Variants in LPCAT1 observed in about 807,000 individuals in gnomAD.
LPCAT1 encodes the protein 1-acylglycerol-3-phosphate O-acyltransferase.
LPCAT1 carries 23 observed loss-of-function variants against 60.9 expected under a neutral mutation model. The ratio of observed to expected loss-of-function variants is 0.38; its 90% CI spans 0.27 to 0.53. LPCAT1 has a LOEUF of 0.53. LPCAT1 is among the 20% of genes least tolerant of loss of function. The pLI is 0.82. For missense variants in LPCAT1, 622 were observed against 723.6 expected (o/e 0.86, Z 1.61); for synonymous variants, 340 against 301.1 (o/e 1.13, Z -1.34).
chr5:1,509,364 G>A (rs1466517411), intron 1 of LPCAT1, among the ~76,000 whole-genome samples: 1 of 152,260 alleles, frequency 6.6e-6, no homozygotes, highest in East Asian at 1.9e-4. Context: ...CAGTGCGCTT[G>A]CAAATCCACG....
intron 1 of LPCAT1, among the ~76,000 whole-genome samples, chr5:1,509,219 C>T (rs1364937870): frequency 6.6e-6 from 1 of 152,278 alleles, no homozygotes; most frequent in Non-Finnish European, 1.5e-5. Context: ...GGCAGATGCT[C>T]AGTGCCAGCC....
intron 10 of LPCAT1, 84 bp from the exon 11 acceptor site, chr5:1,474,194 A>G (rs1734805574): frequency 7.1e-7 from 1 of 1,410,406 alleles, no homozygotes; most frequent in Admixed American, 2.2e-5. Flanking sequence ...ACTCATCAAA[A>G]TATTAAAATT....
chr5:1,512,179 C>T (rs955458950), intron 1 of LPCAT1, among the ~76,000 whole-genome samples: 3 of 152,232 alleles, frequency 2.0e-5, no homozygotes, highest in African/African-American at 7.2e-5. Context: ...GTAGTCTGAG[C>T]TCCTGTGTGG....
chr5:1,465,021 C>G (rs1002781481), intron 13 of LPCAT1, among the ~76,000 whole-genome samples: 2 of 129,898 alleles, frequency 1.5e-5, no homozygotes, highest in Non-Finnish European at 3.5e-5. Context: ...ACACACAAAA[C>G]AAGCGCAGGC....
rs779211273 is a variant in LPCAT1, at chr5:1,494,928, C to T, written c.279-14G>A. Reference sequence around the variant, plus strand: ...AAGTCCACAACCCTGCAAAAGAGGGCGCTGCGTCACGCGGGCACACGTCCG... The same window carrying T: ...AAGTCCACAACCCTGCAAAAGAGGGTGCTGCGTCACGCGGGCACACGTCCG... On this transcript the variant is annotated splice_polypyrimidine_tract_variant and intron_variant, in intron 2 of 13. Transcript: ENST00000283415. The T allele has an allele frequency of 1.0e-5, 16 of 1,579,992 alleles. No homozygotes were observed. The highest frequency in any genetic ancestry group is 9.3e-5 in the East Asian group (4 of 42,912).
chr5:1,522,573 G>A lies in LPCAT1; in HGVS notation c.135+1137C>T, dbSNP rs1405686198. On this transcript the variant is annotated intron_variant, in intron 1 of 13. Coordinates refer to ENST00000283415, the MANE Select transcript of LPCAT1 (RefSeq NM_024830.5). The surrounding 1 kb of genome is among the most constrained non-coding windows in gnomAD (Gnocchi z 6.8). The stretch of plus-strand genomic sequence containing the variant: ...CCCTTCCATACCCTGAGGACCAGCC[G>A]CATCAAGGGGCTTTGAGCAAAAGCA... Among the ~76,000 whole-genome samples, 1 of 152,176 alleles carries A rather than the reference G, an allele frequency of 6.6e-6. No individual in the cohort carries two copies. The highest frequency in any genetic ancestry group is 6.5e-5 in the Admixed American group (1 of 15,288).
At chr5:1,494,629 T>G in intron 3 of LPCAT1, 71 bp downstream of exon 3, 1 of 1,414,696 alleles carries the variant, frequency 7.1e-7, no homozygotes, top group South Asian at 1.2e-5. Context: ...TCTCTTATTC[T>G]CAGCAGCAGG....
At chr5:1,491,285 C>T (rs1382621149) in intron 3 of LPCAT1, among the ~76,000 whole-genome samples, 3 of 99,690 alleles carry the variant, frequency 3.0e-5, no homozygotes, top group Non-Finnish European at 4.9e-5. Context: ...GCCCTGATTG[C>T]GTGGTCTTTC....
At position 1,518,039 on chromosome 5, in the gene LPCAT1, GA is replaced by G. The variant is rs147833937; in HGVS notation, c.135+5670del. ...ATGACGGCTCACATGGACTAATGCA[GA>G]AGTGAACCCGCAGGGCTGACGGACG... On this transcript the variant is annotated intron_variant, in intron 1 of 13. Transcript: ENST00000283415. 3.3e-5 allele frequency among the ~76,000 whole-genome samples: 5 copies of G among 152,384 alleles called. No homozygotes were observed. In the East Asian group the frequency reaches 9.7e-4, roughly 29 times the overall value.
At chr5:1,490,537 G>A (rs1396283915) in intron 3 of LPCAT1, among the ~76,000 whole-genome samples, 1 of 152,228 alleles carries the variant, frequency 6.6e-6, no homozygotes, top group Non-Finnish European at 1.5e-5. Flanking sequence ...AGAGCCCAAT[G>A]CGGCCAGCAC....
intron 5 of LPCAT1, among the ~76,000 whole-genome samples, chr5:1,484,230 G>A (rs1735285612): frequency 6.6e-6 from 1 of 152,266 alleles, no homozygotes; most frequent in Admixed American, 6.5e-5. Flanking sequence ...GGCCGCAGAG[G>A]CTCAGGAACT....
intron 1 of LPCAT1, among the ~76,000 whole-genome samples, chr5:1,516,091 G>A (rs1736498508): frequency 6.6e-6 from 1 of 152,232 alleles, no homozygotes; most frequent in Non-Finnish European, 1.5e-5. Context: ...AGGGCTGCTG[G>A]GGGCTGGAGG....
At chr5:1,465,483 C>A (rs982196404) in intron 13 of LPCAT1, among the ~76,000 whole-genome samples, 2 of 145,484 alleles carry the variant, frequency 1.4e-5, no homozygotes, top group African/African-American at 5.1e-5. Context: ...ACACACAAAA[C>A]AAGCGCATGC....
chr5:1,521,536 A>G lies in LPCAT1; in HGVS notation c.135+2174T>C. 1.0e-6 allele frequency: 1 copy of G among 956,374 alleles called. No homozygotes were observed. Among genetic ancestry groups the G allele is most frequent in the South Asian group, 4.8e-5 (1 of 20,692 alleles). The allele number at this position is 956,374 out of a possible 1,614,324, so 59.2% of individuals were successfully genotyped here. On this transcript the variant is annotated intron_variant, in intron 1 of 13. Coordinates refer to ENST00000283415, the MANE Select transcript of LPCAT1 (RefSeq NM_024830.5). This position sits in a 1 kb window ranked among gnomAD's most constrained non-coding sequence, Gnocchi z 4.3. ...AGCTTTGCAAAGCAATGCTTGGTGA[A>G]AAGCAAAATGTTTCTGCAGAGAACT...
rs1734798699 is a variant in LPCAT1, at chr5:1,474,041, C to G, written c.1095G>C (p.Glu365Asp). The G allele has an allele frequency of 6.2e-7, 1 of 1,614,208 alleles. No homozygotes were observed. The highest frequency in any genetic ancestry group is 8.5e-7 in the Non-Finnish European group (1 of 1,180,022). The part of the protein sequence containing the change: ...YSERARMKGG[E>D]KIGIAEFAAS... ...CGGCAAACTCCGCAATACCTATCTTCTCTCCTCCCTTCATCCTGGCTCTTT... is the reference window on the plus strand; with the variant it reads ...CGGCAAACTCCGCAATACCTATCTTGTCTCCTCCCTTCATCCTGGCTCTTT... Residue 365 changes from glutamate (E) to aspartate (D), a missense_variant, in exon 11 of 14, where the codon GAG becomes GAC. Glu to Asp is a conservative substitution (Grantham distance 45, BLOSUM62 2). This residue lies in a region of LPCAT1 where 288 missense variants were observed against 283.6 expected (regional missense o/e 1.02). Coordinates refer to ENST00000283415, the MANE Select transcript of LPCAT1 (RefSeq NM_024830.5).
At chr5:1,468,732 G>C (rs1304180494) in intron 12 of LPCAT1, among the ~76,000 whole-genome samples, 1 of 152,216 alleles carries the variant, frequency 6.6e-6, no homozygotes, top group Admixed American at 6.5e-5. Flanking sequence ...GAAGCACATC[G>C]GTGCGCTGCG....
At chr5:1,486,988 T>C in intron 5 of LPCAT1, among the ~76,000 whole-genome samples, 1 of 152,174 alleles carries the variant, frequency 6.6e-6, no homozygotes, top group Non-Finnish European at 1.5e-5. Flanking sequence ...GTGATATGCG[T>C]TGAGAGGTGC....
intron 5 of LPCAT1, among the ~76,000 whole-genome samples, chr5:1,485,701 C>T (rs1298148790): frequency 6.6e-6 from 1 of 152,190 alleles, no homozygotes; most frequent in Non-Finnish European, 1.5e-5. Context: ...CTGCTCACAG[C>T]CTGTGCAGGG....
intron 1 of LPCAT1, among the ~76,000 whole-genome samples, chr5:1,519,611 G>A (rs557969928): frequency 7.7e-4 from 118 of 152,340 alleles, no homozygotes; most frequent in Admixed American, 1.6e-3. Flanking sequence ...GCCAGCCCAC[G>A]CTGCCCTCCC....
Sources: allele counts gnomAD v4.1 joint callset (sites outside exome capture counted in the v4.1 genomes callset), GRCh38; gene constraint gnomAD v4.1.1; regional missense constraint gnomAD v4.1.1; non-coding constraint Gnocchi (gnomAD v3.1); transcripts MANE v1.5; gene names NCBI Gene and HGNC (gene_info 2026-07-23, HGNC 2026-07-21).